The following ESF1 variants were observed in gnomAD, a reference collection of about 807,000 sequenced individuals.
The protein encoded by ESF1 is ESF1 nucleolar pre-rRNA processing protein.
In ESF1, 58 loss-of-function variants were observed where a neutral mutation model predicts 92.0. That is an observed-to-expected ratio of 0.63 (90% CI 0.51 to 0.78). The LOEUF (loss-of-function observed/expected upper bound fraction) is 0.78. Ranked by LOEUF, ESF1 falls within the 30% of genes least tolerant of loss-of-function variation. The pLI, the probability that ESF1 is intolerant of heterozygous loss-of-function variation, is 0.00. For missense variants in ESF1, 922 were observed against 989.1 expected, an observed-to-expected ratio of 0.93 and a Z score of 0.91; for synonymous variants, 321 against 313.7, an observed-to-expected ratio of 1.02 and a Z score of -0.24.
intron 2 of ESF1, among the ~76,000 whole-genome samples, chr20:13,781,174 T>C (rs983709255): frequency 1.3e-5 from 2 of 152,222 alleles, no homozygotes; most frequent in Non-Finnish European, 2.9e-5. Context: ...TCTGACTTTC[T>C]TCTACTTTAG....
chr20:13,717,648 T>C (rs2049839176), intron 12 of ESF1, 134 bp from the exon 13 acceptor site: 2 of 888,376 alleles, frequency 2.3e-6, no homozygotes, highest in Non-Finnish European at 3.4e-6. Flanking sequence ...CCACCTGTTG[T>C]CTGTAAACTG....
intron 10 of ESF1, among the ~76,000 whole-genome samples, chr20:13,730,133 C>T (rs1032437997): frequency 8.6e-5 from 13 of 151,970 alleles, no homozygotes; most frequent in Admixed American, 3.3e-4. Context: ...CTTGCAGTGG[C>T]GTGACCTCAG....
chr20:13,783,126 T>G lies in ESF1; in HGVS notation c.15A>C (p.Gln5His). The G allele has an allele frequency of 6.3e-7, 1 of 1,597,392 alleles. No individual in the cohort carries two copies. Among genetic ancestry groups the G allele is most frequent in the Non-Finnish European group, 8.6e-7 (1 of 1,168,360 alleles). Residue 5 changes from glutamine to histidine, a missense_variant, in exon 2 of 14, where the codon CAA (glutamine) becomes CAC (histidine). Transcript: ENST00000617257. MSSK[Q>H]EIMSDQRFRR... ...TAAACCGCTGGTCACTCATTATTTCTTGTTTGGATGACATTTTTAATTCTT... is the reference window on the plus strand; with the variant it reads ...TAAACCGCTGGTCACTCATTATTTCGTGTTTGGATGACATTTTTAATTCTT...
chr20:13,727,061 C>T (rs2049905045), intron 11 of ESF1, among the ~76,000 whole-genome samples: 1 of 152,164 alleles, frequency 6.6e-6, no homozygotes, highest in Non-Finnish European at 1.5e-5. Flanking sequence ...AAACTGGCTA[C>T]CCCAAGCCAT....
chr20:13,767,428 G>A (rs1979482392), intron 7 of ESF1, among the ~76,000 whole-genome samples: 2 of 151,768 alleles, frequency 1.3e-5, no homozygotes, highest in Admixed American at 1.3e-4. Context: ...GGCTGAGGCA[G>A]CAGAATCAGG....
At chr20:13,742,976 C>T (rs2050025263) in intron 9 of ESF1, among the ~76,000 whole-genome samples, 1 of 152,078 alleles carries the variant, frequency 6.6e-6, no homozygotes, top group Admixed American at 6.6e-5. Context: ...TCTTGTTGAC[C>T]ATCTTCTTTC....
intron 8 of ESF1, among the ~76,000 whole-genome samples, chr20:13,763,907 G>C (rs118062046): frequency 0.017 from 2,524 of 152,260 alleles, 21 homozygotes; most frequent in Non-Finnish European, 0.024. Flanking sequence ...GATTAAACAT[G>C]ATTTTCCATA....
Position 13,782,996 on chromosome 20 carries a change from A to G in ESF1, c.145T>C (p.Leu49=), listed in dbSNP as rs1192614425. ...CCTCTTTTATCCACGGCATAGTTCA[A>G]CTTGAACTTCTTGTCATGAAACATG... ...RAMFHDKKFK[L]NYAVDKRGRP... is the part of the protein sequence containing the mutation. The change falls in exon 2 of 14, where the codon TTG becomes CTG. Residue 49 remains leucine, a synonymous_variant. Coordinates refer to ENST00000617257, the MANE Select transcript of ESF1 (RefSeq NM_001276380.2). 6.2e-6 allele frequency: 10 copies of G among 1,613,962 alleles called. No individual in the cohort carries two copies. The highest frequency in any genetic ancestry group is 8.5e-6 in the Non-Finnish European group (10 of 1,180,030).
chr20:13,730,018 T>C (rs1219184733), intron 10 of ESF1, among the ~76,000 whole-genome samples: 1 of 152,084 alleles, frequency 6.6e-6, no homozygotes, highest in African/African-American at 2.4e-5. Flanking sequence ...AAAGAATCAC[T>C]AAAGCCCTAA....
chr20:13,733,965 A>G, intron 9 of ESF1, 123 bp from the exon 10 acceptor site: 2 of 1,174,080 alleles, frequency 1.7e-6, no homozygotes, highest in Non-Finnish European at 2.3e-6. Context: ...GATAACATGC[A>G]ATGGTAAATA....
At chr20:13,749,615 G>A (rs1978529761) in intron 9 of ESF1, among the ~76,000 whole-genome samples, 1 of 152,016 alleles carries the variant, frequency 6.6e-6, no homozygotes, top group Admixed American at 6.6e-5. Context: ...ACCCAGGCTG[G>A]AGTATAGTGG....
chr20:13,717,258 C>G, intron 13 of ESF1, 110 bp downstream of exon 13: 1 of 1,314,580 alleles, frequency 7.6e-7, no homozygotes, highest in Non-Finnish European at 1.1e-6. Flanking sequence ...CTGCACCGGG[C>G]CCCTAAGACA....
At chr20:13,728,280 C>T (rs2049915361) in intron 11 of ESF1, 98 bp downstream of exon 11, 1 of 874,802 alleles carries the variant, frequency 1.1e-6, no homozygotes, top group Non-Finnish European at 1.8e-6. Flanking sequence ...TACACAAATA[C>T]TAGCAATTTT....
At chr20:13,747,543 G>A (rs1397891375) in intron 9 of ESF1, among the ~76,000 whole-genome samples, 1 of 150,728 alleles carries the variant, frequency 6.6e-6, no homozygotes, top group African/African-American at 2.4e-5. Flanking sequence ...GCAGCCTGCC[G>A]AGATGGCACC....
At chr20:13,746,673 A>G (rs2050051383) in intron 9 of ESF1, among the ~76,000 whole-genome samples, 1 of 152,212 alleles carries the variant, frequency 6.6e-6, no homozygotes, top group South Asian at 2.1e-4. Flanking sequence ...AGCTATGAAT[A>G]TAGAAGGATA....
intron 4 of ESF1, 46 bp from the exon 5 acceptor site, chr20:13,772,661 C>T (rs199905894): frequency 4.1e-5 from 55 of 1,344,026 alleles, no homozygotes; most frequent in Non-Finnish European, 4.7e-5. Flanking sequence ...CATTCCTTTA[C>T]ACAAATATCT....
At position 13,714,454 on chromosome 20, in the gene ESF1, C is replaced by T. The variant is rs1418892533; in HGVS notation, c.*420G>A. The T allele has an allele frequency of 1.3e-5, 2 of 152,268 alleles. No homozygotes were observed. The highest frequency in any genetic ancestry group is 2.9e-5 in the Non-Finnish European group (2 of 68,186). 9.4% of individuals were successfully genotyped at this position (152,268 alleles called of 1,614,324 possible). On this transcript the variant is annotated 3_prime_UTR_variant, in exon 14 of 14. Transcript: ENST00000617257. ...TAAATTATTTTAATAGTTATTTAAA[C>T]ATGCCTCCTGCTTCCAGAGAAATTA...
At chr20:13,742,683 C>T (rs1453733468) in intron 9 of ESF1, among the ~76,000 whole-genome samples, 1 of 151,860 alleles carries the variant, frequency 6.6e-6, no homozygotes, top group Non-Finnish European at 1.5e-5. Context: ...AATGGATGAC[C>T]TACAGCTACA....
At chr20:13,738,686 T>C (rs538401475) in intron 9 of ESF1, among the ~76,000 whole-genome samples, 1 of 152,278 alleles carries the variant, frequency 6.6e-6, no homozygotes, top group African/African-American at 2.4e-5. Context: ...ATATATTCAT[T>C]TGTGGAATTG....
Sources: gnomAD v4.1 joint callset for allele counts (sites outside exome capture counted in the v4.1 genomes callset) on GRCh38, gnomAD v4.1.1 for gene constraint, MANE v1.5 for transcripts, NCBI Gene and HGNC (gene_info 2026-07-23, HGNC 2026-07-21) for gene names.